RNF34: variants seen among roughly 807,000 people sequenced by gnomAD.
RNF34 encodes the protein ring finger protein 34, also known as E3 ubiquitin-protein ligase RNF34.
RNF34 carries 12 observed loss-of-function variants against 37.9 expected under a neutral mutation model. The observed-to-expected ratio is 0.32, with a 90% CI of 0.20 to 0.51. The LOEUF (loss-of-function observed/expected upper bound fraction) is 0.51. Among genes scored for constraint, RNF34 ranks in the 20% least tolerant of loss-of-function variants. The probability of loss-of-function intolerance (pLI) is 0.97; values close to 1 mark genes in which losing one functional copy is unlikely to be tolerated. For missense variants in RNF34, 362 were observed against 472.7 expected (o/e 0.77, Z 2.17); for synonymous variants, 155 against 177.2 (o/e 0.87, Z 1.00).
chr12:121,416,797 C>CTCT (rs1871613608), intron 2 of RNF34, among the ~76,000 whole-genome samples: 2 of 152,198 alleles, frequency 1.3e-5, no homozygotes, highest in South Asian at 4.1e-4. Flanking sequence ...GATTCAACAT[C>CTCT]AAATACTTAG....
intron 1 of RNF34, among the ~76,000 whole-genome samples, chr12:121,413,641 T>C (rs1706458): frequency 0.91 from 131,446 of 143,676 alleles, 60,683 homozygotes; most frequent in Non-Finnish European, 0.98. Context: ...GCAGTGGTGC[T>C]ATCTGGGCTC....
At chr12:121,404,124 C>T (rs1870271472) in intron 1 of RNF34, among the ~76,000 whole-genome samples, 1 of 151,016 alleles carries the variant, frequency 6.6e-6, no homozygotes, top group Admixed American at 6.6e-5. Flanking sequence ...AAACAGTTCT[C>T]CTGCCTCAGC....
chr12:121,423,447 T>C lies in RNF34; in HGVS notation c.990T>C (p.Asp330=). 6.2e-7 allele frequency: 1 copy of C among 1,613,512 alleles called. No homozygotes were observed. Among genetic ancestry groups the C allele is most frequent in the Non-Finnish European group, 8.5e-7 (1 of 1,179,730 alleles). The change falls in exon 6 of 6, where the codon GAT becomes GAC. Residue 330 remains aspartate (D), a synonymous_variant. Coordinates refer to ENST00000361234, the MANE Select transcript of RNF34 (RefSeq NM_025126.4). The surrounding 1 kb of genome is among the most constrained non-coding windows in gnomAD (Gnocchi z 4.3). Reference sequence around the variant, plus strand: ...ACAGCCTGTGTCGCATCTGCATGGATGCCGTCATCGACTGTGTCCTACTGG... The same window carrying C: ...ACAGCCTGTGTCGCATCTGCATGGACGCCGTCATCGACTGTGTCCTACTGG... ...EDDSLCRICM[D]AVIDCVLLEC...
intron 2 of RNF34, 102 bp downstream of exon 2, chr12:121,416,479 T>C: frequency 1.2e-6 from 1 of 843,608 alleles, no homozygotes; most frequent in Middle Eastern, 2.4e-4. Flanking sequence ...TTTATAAAAA[T>C]ATCAAAAGCT....
Position 121,417,802 on chromosome 12 carries a change from T to C in RNF34, c.524T>C (p.Phe175Ser). Residue 175 changes from phenylalanine to serine, a missense_variant, in exon 3 of 6, where the codon TTT (phenylalanine) becomes TCT (serine). Phe to Ser is a radical substitution (Grantham distance 155). Coordinates refer to ENST00000361234, the MANE Select transcript of RNF34 (RefSeq NM_025126.4). This position sits in a 1 kb window ranked among gnomAD's most constrained non-coding sequence, Gnocchi z 5.0. ...NSSRSQTSSFFTRSFFSNYTA... is the reference protein window; with the variant it reads ...NSSRSQTSSFSTRSFFSNYTA... ...TCAAGGTCCCAGACTTCTAGCTTTT[T>C]TACACGTTCGTTTTTTTCAAACTAT... The C allele has an allele frequency of 6.2e-7, 1 of 1,614,206 alleles. No homozygotes were observed. The highest frequency in any genetic ancestry group is 8.5e-7 in the Non-Finnish European group (1 of 1,180,040).
At chr12:121,418,215 A>T in intron 3 of RNF34, 1 of 332,108 alleles carries the variant, frequency 3.0e-6, no homozygotes, top group South Asian at 4.9e-5. Context: ...GCTGTGAAAA[A>T]GTAGCACATA....
At chr12:121,407,740 C>T (rs1228835232) in intron 1 of RNF34, among the ~76,000 whole-genome samples, 1 of 152,124 alleles carries the variant, frequency 6.6e-6, no homozygotes, top group Non-Finnish European at 1.5e-5. Context: ...AGAAATGGAA[C>T]AGGAAAGAAC....
intron 3 of RNF34, chr12:121,418,699 C>T (rs952215754): frequency 1.3e-5 from 2 of 152,088 alleles, no homozygotes; most frequent in Non-Finnish European, 1.5e-5. Flanking sequence ...CCACTGTACC[C>T]CCAGCCTGGG....
intron 1 of RNF34, 112 bp downstream of exon 1, chr12:121,400,330 G>A: frequency 7.7e-7 from 1 of 1,291,970 alleles, no homozygotes. Flanking sequence ...TCATCTCGGA[G>A]AGCTGCGCTG....
Position 121,400,205 on chromosome 12 carries a change from T to C in RNF34, c.-8T>C. Reference sequence around the variant, plus strand: ...GGTAGAGCCGGCCGAGCTGAGGCGGTCGCGGCCATGAAGGTGAGGGGCCGG... The same window carrying C: ...GGTAGAGCCGGCCGAGCTGAGGCGGCCGCGGCCATGAAGGTGAGGGGCCGG... On this transcript the variant is annotated 5_prime_UTR_variant, in exon 1 of 6. Coordinates refer to ENST00000361234, the MANE Select transcript of RNF34 (RefSeq NM_025126.4). The C allele has an allele frequency of 6.2e-7, 1 of 1,609,374 alleles. No individual in the cohort carries two copies. Among genetic ancestry groups the C allele is most frequent in the African/African-American group, 1.3e-5 (1 of 74,986 alleles).
At chr12:121,401,014 G>A (rs1555279945) in intron 1 of RNF34, among the ~76,000 whole-genome samples, 1 of 152,126 alleles carries the variant, frequency 6.6e-6, no homozygotes, top group African/African-American at 2.4e-5. Flanking sequence ...AACCAAGTGG[G>A]ATGAGTCATA....
Position 121,401,039 on chromosome 12 carries a change from T to G in RNF34, c.6+821T>G, listed in dbSNP as rs782526012. Reference sequence around the variant, plus strand: ...GATGAGTCATAAGGTGATGATAACTTTCAGACCTAGATGGTTTCGTTAATC... The same window carrying G: ...GATGAGTCATAAGGTGATGATAACTGTCAGACCTAGATGGTTTCGTTAATC... On this transcript the variant is annotated intron_variant, in intron 1 of 5. Coordinates refer to ENST00000361234, the MANE Select transcript of RNF34 (RefSeq NM_025126.4). 6.7e-4 allele frequency among the ~76,000 whole-genome samples: 102 copies of G among 152,118 alleles called. 1 individual carries two copies. The highest frequency in any genetic ancestry group is 5.2e-4 in the Admixed American group (8 of 15,276).
intron 1 of RNF34, among the ~76,000 whole-genome samples, chr12:121,414,411 G>C (rs1871372236): frequency 6.6e-6 from 1 of 151,314 alleles, no homozygotes; most frequent in African/African-American, 2.4e-5. Context: ...GTATACTTGG[G>C]ACAAGCATGG....
rs1401691080 is a variant in RNF34, at chr12:121,417,058, T to A, written c.226-446T>A. Among the ~76,000 whole-genome samples, 1 of 152,260 alleles carries A rather than the reference T, an allele frequency of 6.6e-6. No homozygotes were observed. Among genetic ancestry groups the A allele is most frequent in the Non-Finnish European group, 1.5e-5 (1 of 68,056 alleles). On this transcript the variant is annotated intron_variant, in intron 2 of 5. Transcript: ENST00000361234. This position sits in a 1 kb window ranked among gnomAD's most constrained non-coding sequence, Gnocchi z 5.0. ...TTACTGTATTAGTGGGTCCTGTATT[T>A]TCTTGGATTCACCTTGAGAGATCAG...
intron 1 of RNF34, among the ~76,000 whole-genome samples, chr12:121,401,143 G>T (rs1316316331): frequency 2.0e-5 from 3 of 151,980 alleles, no homozygotes; most frequent in Non-Finnish European, 2.9e-5. Context: ...AAGCGTCAAA[G>T]ATTTACTATA....
At position 121,423,501 on chromosome 12, in the gene RNF34, G is replaced by A. The variant is rs782505600; in HGVS notation, c.1044G>A (p.Lys348=). The A allele has an allele frequency of 1.2e-5, 20 of 1,614,106 alleles. No individual in the cohort carries two copies. Among genetic ancestry groups the A allele is most frequent in the Non-Finnish European group, 1.5e-5 (18 of 1,180,046 alleles). Residue 348 remains lysine (K), a synonymous_variant, in exon 6 of 6, where the codon AAG becomes AAA. Transcript: ENST00000361234. This position sits in a 1 kb window ranked among gnomAD's most constrained non-coding sequence, Gnocchi z 4.3. ...GTGGGCACATGGTTACCTGCACCAA[G>A]TGCGGCAAGCGCATGAGTGAGTGTC... ...LECGHMVTCT[K]CGKRMSECPI...
chr12:121,409,918 A>G (rs59645029), intron 1 of RNF34: 29,061 of 151,452 alleles, frequency 0.19, 4,287 homozygotes, highest in African/African-American at 0.41. Context: ...CACTTTGGGA[A>G]GCCGAGGCGG....
At position 121,417,797 on chromosome 12, in the gene RNF34, C is replaced by T. The variant is rs1230985857; in HGVS notation, c.519C>T (p.Ser173=). The T allele has an allele frequency of 6.2e-7, 1 of 1,614,020 alleles. No homozygotes were observed. The highest frequency in any genetic ancestry group is 8.5e-7 in the Non-Finnish European group (1 of 1,180,040). The change falls in exon 3 of 6, where the codon AGC becomes AGT. Residue 173 remains serine, a synonymous_variant. Transcript: ENST00000361234. This position sits in a 1 kb window ranked among gnomAD's most constrained non-coding sequence, Gnocchi z 5.0. ...SLNSSRSQTS[S]FFTRSFFSNY... ...ATTCTTCAAGGTCCCAGACTTCTAG[C>T]TTTTTTACACGTTCGTTTTTTTCAA...
At chr12:121,418,214 A>G (rs1871758281) in intron 3 of RNF34, 1 of 333,962 alleles carries the variant, frequency 3.0e-6, no homozygotes, top group Admixed American at 4.5e-5. Context: ...GGCTGTGAAA[A>G]AGTAGCACAT....
Sources: allele counts gnomAD v4.1 joint callset (sites outside exome capture counted in the v4.1 genomes callset), GRCh38; gene constraint gnomAD v4.1.1; non-coding constraint Gnocchi (gnomAD v3.1); transcripts MANE v1.5; gene names NCBI Gene and HGNC (gene_info 2026-07-23, HGNC 2026-07-21).